The following SPIRE1 variants were observed in gnomAD, a reference collection of about 807,000 sequenced individuals.
The protein encoded by SPIRE1 is protein spire homolog 1.
Under a neutral mutation model 94.1 loss-of-function variants are expected in SPIRE1, and 40 were observed. The observed-to-expected ratio is 0.43, with a 90% CI of 0.33 to 0.55. The LOEUF (loss-of-function observed/expected upper bound fraction) is 0.55. SPIRE1 is among the 20% of genes least tolerant of loss of function. The pLI is 0.06. For synonymous variants in SPIRE1, 376 were observed against 371.7 expected, an observed-to-expected ratio of 1.01 and a Z score of -0.13; for missense variants, 838 against 975.2, an observed-to-expected ratio of 0.86 and a Z score of 1.87.
intron 2 of SPIRE1, among the ~76,000 whole-genome samples, chr18:12,561,800 T>C (rs144311942): frequency 1.1e-3 from 169 of 152,360 alleles, no homozygotes; most frequent in African/African-American, 4.0e-3. Context: ...TATAGTGAAA[T>C]ATATGAATAT....
intron 8 of SPIRE1, among the ~76,000 whole-genome samples, chr18:12,490,071 A>G (rs1309461650): frequency 2.0e-5 from 3 of 152,176 alleles, no homozygotes; most frequent in Non-Finnish European, 4.4e-5. Context: ...AATGACCAAA[A>G]TCCCTTACTT....
intron 2 of SPIRE1, among the ~76,000 whole-genome samples, chr18:12,558,862 G>A (rs1333905428): frequency 6.6e-6 from 1 of 151,964 alleles, no homozygotes; most frequent in South Asian, 2.1e-4. Context: ...GTGCTGACTC[G>A]TGCATCCACA....
In SPIRE1 at chr18:12,473,321, T is replaced by C. The variant is rs529038890; in HGVS notation, c.1404+6378A>G. On this transcript the variant is annotated intron_variant, in intron 10 of 16. Transcript: ENST00000409402. ...ATTCAGTTCTGGCAAAAAAAAAAAA[T>C]TGAGAAAGAAACAAAAGCAAAAATA... 2.1e-3 allele frequency among the ~76,000 whole-genome samples: 307 copies of C among 149,250 alleles called. 3 individuals are homozygous for C. The highest frequency in any genetic ancestry group is 7.3e-3 in the African/African-American group (296 of 40,574).
intron 1 of SPIRE1, among the ~76,000 whole-genome samples, chr18:12,649,442 C>A (rs9944881): frequency 1.3e-5 from 2 of 152,086 alleles, no homozygotes; most frequent in African/African-American, 4.8e-5. Flanking sequence ...AAAATTCCCA[C>A]TACATTTGGT....
At chr18:12,504,282 A>AG (rs1197005731) in intron 6 of SPIRE1, among the ~76,000 whole-genome samples, 1 of 146,714 alleles carries the variant, frequency 6.8e-6, no homozygotes, top group Admixed American at 6.7e-5. Flanking sequence ...TGAGGTGGGC[A>AG]GATCACCTAA....
intron 2 of SPIRE1, among the ~76,000 whole-genome samples, chr18:12,593,962 A>T (rs2036602444): frequency 6.6e-6 from 1 of 151,914 alleles, no homozygotes; most frequent in Non-Finnish European, 1.5e-5. Context: ...AGAAAAAAAA[A>T]AAATAAGAAG....
At position 12,452,356 on chromosome 18, in the gene SPIRE1, A is replaced by G; in HGVS notation, c.1911T>C (p.Pro637=). ...GAGCAGAAGGTCCCAATGAAAAGAT[A>G]GGAAGAGTGGAGTATGGTTTGGAGG... ...RLPSKPYSTL[P]IFSLGPSALQ... is the part of the protein sequence containing the mutation. Residue 637 remains proline, a synonymous_variant, in exon 16 of 17, where the codon CCT becomes CCC. Coordinates refer to ENST00000409402, the MANE Select transcript of SPIRE1 (RefSeq NM_001128626.2). 3.1e-6 allele frequency: 5 copies of G among 1,614,108 alleles called. No individual in the cohort carries two copies. Among genetic ancestry groups the G allele is most frequent in the Non-Finnish European group, 4.2e-6 (5 of 1,179,958 alleles).
chr18:12,586,272 T>C (rs927370546), intron 2 of SPIRE1, among the ~76,000 whole-genome samples: 4 of 152,140 alleles, frequency 2.6e-5, no homozygotes, highest in African/African-American at 9.7e-5. Context: ...ACTTTTTAAA[T>C]TACAAAAAAA....
intron 4 of SPIRE1, among the ~76,000 whole-genome samples, chr18:12,526,983 C>T (rs2034541160): frequency 6.6e-6 from 1 of 152,200 alleles, no homozygotes; most frequent in African/African-American, 2.4e-5. Context: ...GCTGGGATTA[C>T]AGGCGTGAGC....
intron 2 of SPIRE1, among the ~76,000 whole-genome samples, chr18:12,563,636 T>C (rs1325816986): frequency 2.6e-5 from 4 of 152,202 alleles, no homozygotes; most frequent in African/African-American, 7.2e-5. Context: ...ACAAGAAATA[T>C]GTATTGTCCT....
At chr18:12,616,915 A>G (rs926341301) in intron 2 of SPIRE1, among the ~76,000 whole-genome samples, 1 of 152,046 alleles carries the variant, frequency 6.6e-6, no homozygotes, top group Non-Finnish European at 1.5e-5. Context: ...GCTGGAGTGC[A>G]GTGGTGCAAT....
chr18:12,536,034 A>C (rs1195523945), intron 3 of SPIRE1, among the ~76,000 whole-genome samples: 1 of 152,278 alleles, frequency 6.6e-6, no homozygotes, highest in Admixed American at 6.5e-5. Context: ...AATTCCCATC[A>C]TCCAGGGCTT....
At chr18:12,644,718 T>C (rs906159569) in intron 1 of SPIRE1, among the ~76,000 whole-genome samples, 2 of 152,238 alleles carry the variant, frequency 1.3e-5, no homozygotes, top group Admixed American at 6.5e-5. Context: ...AATCATTTTA[T>C]AGACTTCCAA....
chr18:12,548,178 C>T (rs1415312579), intron 2 of SPIRE1, among the ~76,000 whole-genome samples: 2 of 152,228 alleles, frequency 1.3e-5, no homozygotes, highest in African/African-American at 2.4e-5. Flanking sequence ...TCTCACTGCT[C>T]TCTCCTTCCT....
In SPIRE1 at chr18:12,506,593, G is replaced by A; in HGVS notation, c.856C>T (p.Leu286Phe). The A allele has an allele frequency of 3.1e-6, 5 of 1,614,086 alleles. No homozygotes were observed. The highest frequency in any genetic ancestry group is 1.1e-5 in the South Asian group (1 of 91,066). ...TACTGCCGCTCTTGGACCTTCTTAAGTTTTACCCCATTCCTCAAATCCCTC... is the reference window on the plus strand; with the variant it reads ...TACTGCCGCTCTTGGACCTTCTTAAATTTTACCCCATTCCTCAAATCCCTC... The part of the protein sequence containing the change: ...VMRDLRNGVK[L>F]KKVQERQYNP... Residue 286 changes from leucine (L) to phenylalanine (F), a missense_variant, in exon 6 of 17, where the codon CTT becomes TTT. This residue lies in a region of SPIRE1 where 645 missense variants were observed against 804.7 expected (regional missense o/e 0.80). Transcript: ENST00000409402.
chr18:12,621,855 AT>A (rs1567973133), intron 2 of SPIRE1, among the ~76,000 whole-genome samples: 2 of 152,188 alleles, frequency 1.3e-5, no homozygotes, highest in Admixed American at 6.5e-5. Flanking sequence ...TAAAAAAATT[AT>A]TTTTAAAAAA....
rs2035631405 is a variant in SPIRE1, at chr18:12,559,787, A to T, written c.373-12883T>A. On this transcript the variant is annotated intron_variant, in intron 2 of 16. Transcript: ENST00000409402. The surrounding 1 kb of genome is among the most constrained non-coding windows in gnomAD (Gnocchi z 4.7). ...AGTTAAATAGCTTTTGCCAGTGAAG[A>T]AAACAACAAAATGAAGAAACAACCC... is the stretch of plus-strand genomic sequence containing the variant. Among the ~76,000 whole-genome samples the T allele has an allele frequency of 6.6e-6, 1 of 152,230 alleles. No homozygotes were observed. The highest frequency in any genetic ancestry group is 1.5e-5 in the Non-Finnish European group (1 of 68,040).
At position 12,449,877 on chromosome 18, in the gene SPIRE1, A is replaced by G. The variant is rs760597915; in HGVS notation, c.2032T>C (p.Ser678Pro). The change falls in exon 17 of 17, where the codon TCT becomes CCT. Residue 678 changes from serine (S) to proline (P), a missense_variant. Around this residue, in one of 2 missense-constraint regions of SPIRE1, gnomAD observed 645 missense variants for 804.7 expected, o/e 0.80. Transcript: ENST00000409402. ...SIARFSSKSKSMDKSDEELQF... is the reference protein window; with the variant it reads ...SIARFSSKSKPMDKSDEELQF... ...AGTTCTTCATCTGATTTGTCCATAG[A>G]CTTAGATTTTGAGGAGAACCTGGGG... is the stretch of plus-strand genomic sequence containing the variant. 6.2e-7 allele frequency: 1 copy of G among 1,614,058 alleles called. No individual in the cohort carries two copies. Among genetic ancestry groups the G allele is most frequent in the Non-Finnish European group, 8.5e-7 (1 of 1,180,014 alleles).
At chr18:12,550,806 C>G (rs2035327707) in intron 2 of SPIRE1, among the ~76,000 whole-genome samples, 1 of 152,182 alleles carries the variant, frequency 6.6e-6, no homozygotes. Context: ...TCCTAAATGA[C>G]TGCTTAATAG....
Sources: gnomAD v4.1 joint callset for allele counts (sites outside exome capture counted in the v4.1 genomes callset) on GRCh38, gnomAD v4.1.1 for gene constraint, gnomAD v4.1.1 regional missense constraint, Gnocchi (gnomAD v3.1) non-coding constraint, MANE v1.5 for transcripts, NCBI Gene and HGNC (gene_info 2026-07-23, HGNC 2026-07-21) for gene names.